AMBRA1: variants seen among roughly 807,000 people sequenced by gnomAD.
AMBRA1 encodes activating molecule in BECN1-regulated autophagy protein 1.
In AMBRA1, 47 loss-of-function variants were observed where a neutral mutation model predicts 125.4. That is an observed-to-expected ratio of 0.37 (90% CI 0.30 to 0.48). AMBRA1 has a LOEUF of 0.48. Ranked by LOEUF, AMBRA1 falls within the 20% of genes least tolerant of loss-of-function variation. AMBRA1 has a pLI of 0.99. For missense variants in AMBRA1, 1,331 were observed against 1,693.4 expected (o/e 0.79, Z 3.76); for synonymous variants, 626 against 655.5 (o/e 0.95, Z 0.69).
At chr11:46,517,998 G>T in intron 7 of AMBRA1, 1 of 423,784 alleles carries the variant, frequency 2.4e-6, no homozygotes, top group Non-Finnish European at 3.2e-6. Flanking sequence ...TAGGGAATGT[G>T]GGTAAAGGGT....
intron 1 of AMBRA1, among the ~76,000 whole-genome samples, chr11:46,566,145 G>A (rs1386893097): frequency 6.6e-6 from 1 of 152,124 alleles, no homozygotes; most frequent in Non-Finnish European, 1.5e-5. Flanking sequence ...ATTGGTCAGG[G>A]CGCTAGCTCA....
At chr11:46,519,657 C>A (rs946616152) in intron 7 of AMBRA1, among the ~76,000 whole-genome samples, 8 of 152,164 alleles carry the variant, frequency 5.3e-5, no homozygotes, top group Non-Finnish European at 8.8e-5. Flanking sequence ...GGATGGCAAC[C>A]GCTATTTCCA....
chr11:46,520,756 C>T (rs567445334), intron 7 of AMBRA1, among the ~76,000 whole-genome samples: 10 of 150,544 alleles, frequency 6.6e-5, no homozygotes, highest in East Asian at 1.9e-4. Context: ...CCACCAAGCC[C>T]GGCTAATTTT....
chr11:46,467,847 T>G (rs1225833065), intron 11 of AMBRA1, among the ~76,000 whole-genome samples: 1 of 152,176 alleles, frequency 6.6e-6, no homozygotes, highest in Admixed American at 6.5e-5. Flanking sequence ...AGAAGAGATC[T>G]GGGAGAGAGT....
intron 1 of AMBRA1, among the ~76,000 whole-genome samples, chr11:46,564,144 C>CAAA (rs563596004): frequency 2.6e-5 from 1 of 38,090 alleles, no homozygotes; most frequent in Non-Finnish European, 5.4e-5. Context: ...AACTCCGTCT[C>CAAA]AAAAAAAAAA....
At chr11:46,528,932 A>C (rs971528379) in intron 7 of AMBRA1, among the ~76,000 whole-genome samples, 3 of 152,142 alleles carry the variant, frequency 2.0e-5, no homozygotes, top group Non-Finnish European at 2.9e-5. Context: ...AAAGCAGAAG[A>C]GGCAAAAAGA....
chr11:46,425,442 A>C lies in AMBRA1; in HGVS notation c.2977-7390T>G, dbSNP rs1947080086. 3.3e-5 allele frequency among the ~76,000 whole-genome samples: 5 copies of C among 152,244 alleles called. 1 individual carries two copies. Among genetic ancestry groups the C allele is most frequent in the Middle Eastern group, 6.8e-3 (2 of 294 alleles). ...TGAATTGATTTTCCAATTCTTGAAA[A>C]AAAGGATGTTTTGCCTTTCACTTTT... is the stretch of plus-strand genomic sequence containing the variant. On this transcript the variant is annotated intron_variant, in intron 14 of 17. Transcript: ENST00000683756.
intron 11 of AMBRA1, among the ~76,000 whole-genome samples, chr11:46,481,093 C>T (rs552425174): frequency 3.3e-5 from 5 of 152,316 alleles, no homozygotes; most frequent in African/African-American, 1.2e-4. Flanking sequence ...TAATTGAATG[C>T]TGTTCAGATT....
chr11:46,443,662 T>C, intron 11 of AMBRA1, 64 bp from the exon 12 acceptor site: 1 of 1,372,028 alleles, frequency 7.3e-7, no homozygotes, highest in African/African-American at 1.4e-5. Flanking sequence ...CTGCAAAACA[T>C]AAAACAATAC....
chr11:46,456,167 G>A (rs1948834943), intron 11 of AMBRA1, among the ~76,000 whole-genome samples: 1 of 152,048 alleles, frequency 6.6e-6, no homozygotes, highest in African/African-American at 2.4e-5. Context: ...ACATGCTACT[G>A]AAAGATTACT....
chr11:46,501,110 T>C (rs771018825), intron 9 of AMBRA1, among the ~76,000 whole-genome samples: 7 of 152,244 alleles, frequency 4.6e-5, no homozygotes, highest in Non-Finnish European at 8.8e-5. Flanking sequence ...CCATGCTGTT[T>C]CATGTTTCTA....
chr11:46,436,615 C>A (rs1382326266), intron 12 of AMBRA1, among the ~76,000 whole-genome samples: 1 of 151,966 alleles, frequency 6.6e-6, no homozygotes, highest in Non-Finnish European at 1.5e-5. Flanking sequence ...CTACTTACTA[C>A]TCAGGGTCCC....
At chr11:46,412,863 G>A (rs1273287657) in intron 15 of AMBRA1, among the ~76,000 whole-genome samples, 2 of 152,198 alleles carry the variant, frequency 1.3e-5, no homozygotes, top group Non-Finnish European at 2.9e-5. Context: ...CTCTGTTTTT[G>A]GTGAGCAAAT....
At chr11:46,439,426 T>C (rs1372688020) in intron 12 of AMBRA1, among the ~76,000 whole-genome samples, 1 of 152,148 alleles carries the variant, frequency 6.6e-6, no homozygotes, top group Non-Finnish European at 1.5e-5. Context: ...ATGATGAAGA[T>C]GACATCCCAA....
intron 12 of AMBRA1, among the ~76,000 whole-genome samples, chr11:46,437,426 G>T (rs1045831619): frequency 6.6e-6 from 1 of 152,190 alleles, no homozygotes; most frequent in African/African-American, 2.4e-5. Context: ...GCTGAAAATT[G>T]TAACAGCTTC....
At chr11:46,421,314 C>T (rs1193124007) in intron 14 of AMBRA1, among the ~76,000 whole-genome samples, 1 of 152,208 alleles carries the variant, frequency 6.6e-6, no homozygotes, top group African/African-American at 2.4e-5. Context: ...TTAAACAGTG[C>T]CGAAAGGGCA....
chr11:46,569,373 C>A, intron 1 of AMBRA1, among the ~76,000 whole-genome samples: 1 of 146,294 alleles, frequency 6.8e-6, no homozygotes, highest in African/African-American at 2.5e-5. Flanking sequence ...ATATATAACA[C>A]ACATTACCCT....
chr11:46,538,846 A>G (rs1952608533), intron 7 of AMBRA1, among the ~76,000 whole-genome samples: 2 of 152,186 alleles, frequency 1.3e-5, no homozygotes, highest in South Asian at 4.1e-4. Flanking sequence ...GATTAATAAT[A>G]TTTTAGATGT....
chr11:46,443,881 A>T (rs996887479), intron 11 of AMBRA1, among the ~76,000 whole-genome samples: 13 of 152,230 alleles, frequency 8.5e-5, no homozygotes, highest in African/African-American at 3.1e-4. Flanking sequence ...TACTGTACAT[A>T]CATGGTCTGG....
Sources: gnomAD v4.1 joint callset for allele counts (sites outside exome capture counted in the v4.1 genomes callset) on GRCh38, gnomAD v4.1.1 for gene constraint, MANE v1.5 for transcripts, NCBI Gene and HGNC (gene_info 2026-07-23, HGNC 2026-07-21) for gene names.